Variants in FSTL5 observed in about 807,000 individuals in gnomAD.
FSTL5 encodes follistatin-related protein 5.
FSTL5 carries 62 observed loss-of-function variants against 89.1 expected under a neutral mutation model. That is an observed-to-expected ratio of 0.70 (90% CI 0.57 to 0.86). The LOEUF (loss-of-function observed/expected upper bound fraction) is 0.86. Ranked by LOEUF, FSTL5 falls within the 40% of genes least tolerant of loss-of-function variation. FSTL5 has a pLI of 0.00. For synonymous variants in FSTL5, 383 were observed against 346.2 expected (o/e 1.11, Z -1.18); for missense variants, 1,057 against 1,001.6 (o/e 1.06, Z -0.75).
intron 6 of FSTL5, among the ~76,000 whole-genome samples, chr4:161,754,492 A>C (rs6536614): frequency 0.21 from 32,577 of 152,034 alleles, 6,787 homozygotes; most frequent in African/African-American, 0.54. Flanking sequence ...AAAGTTCATA[A>C]TCCTCATAAA....
intron 6 of FSTL5, among the ~76,000 whole-genome samples, chr4:161,674,560 C>T (rs1261450620): frequency 6.6e-6 from 1 of 152,136 alleles, no homozygotes; most frequent in Admixed American, 6.6e-5. Context: ...GTCAGAACTG[C>T]ATAGTATATC....
chr4:161,450,593 G>T (rs964805496), intron 15 of FSTL5, among the ~76,000 whole-genome samples: 1 of 152,054 alleles, frequency 6.6e-6, no homozygotes, highest in Admixed American at 6.6e-5. Flanking sequence ...CAACTGAGTT[G>T]TATAACTTAT....
At chr4:161,672,921 C>T (rs1278431833) in intron 6 of FSTL5, among the ~76,000 whole-genome samples, 1 of 151,902 alleles carries the variant, frequency 6.6e-6, no homozygotes, top group East Asian at 1.9e-4. Flanking sequence ...ATCATCTAGA[C>T]ATAATTTTTT....
At chr4:161,628,807 C>G (rs1257140255) in intron 7 of FSTL5, among the ~76,000 whole-genome samples, 2 of 152,108 alleles carry the variant, frequency 1.3e-5, no homozygotes, top group Non-Finnish European at 2.9e-5. Context: ...AAGATTCAGA[C>G]TACTAATGGA....
chr4:161,782,386 A>G (rs1040551892), intron 4 of FSTL5, among the ~76,000 whole-genome samples: 1 of 152,178 alleles, frequency 6.6e-6, no homozygotes, highest in African/African-American at 2.4e-5. Flanking sequence ...GTATTGCTCC[A>G]TATCCTTGCC....
intron 2 of FSTL5, among the ~76,000 whole-genome samples, chr4:162,103,416 G>T (rs1461745409): frequency 6.6e-6 from 1 of 152,196 alleles, no homozygotes; most frequent in African/African-American, 2.4e-5. Flanking sequence ...AATGTATTTA[G>T]TGGCAATTGT....
intron 3 of FSTL5, among the ~76,000 whole-genome samples, chr4:161,997,292 A>G (rs1736323204): frequency 6.6e-6 from 1 of 152,192 alleles, no homozygotes; most frequent in Non-Finnish European, 1.5e-5. Flanking sequence ...TTGTTTTTCC[A>G]ATATATCTTA....
chr4:161,858,974 G>A (rs1230393634), intron 4 of FSTL5, among the ~76,000 whole-genome samples: 1 of 152,162 alleles, frequency 6.6e-6, no homozygotes, highest in African/African-American at 2.4e-5. Flanking sequence ...GCAATTTATG[G>A]TTTCACATCT....
At chr4:161,425,364 C>G (rs150030556) in intron 15 of FSTL5, among the ~76,000 whole-genome samples, 3 of 152,174 alleles carry the variant, frequency 2.0e-5, no homozygotes, top group East Asian at 3.9e-4. Flanking sequence ...GTATGTTAGA[C>G]GACAGATCCA....
chr4:162,047,874 T>C (rs1219663375), intron 2 of FSTL5, among the ~76,000 whole-genome samples: 1 of 151,936 alleles, frequency 6.6e-6, no homozygotes, highest in East Asian at 1.9e-4. Flanking sequence ...AACTATGAGT[T>C]CGCCATATAG....
At chr4:162,029,921 T>C (rs1251213553) in intron 3 of FSTL5, among the ~76,000 whole-genome samples, 1 of 104,626 alleles carries the variant, frequency 9.6e-6, no homozygotes, top group East Asian at 3.4e-4. Flanking sequence ...TTTTTTTTTT[T>C]TTTTTTAAGA....
At chr4:161,768,364 T>A (rs564639919) in intron 5 of FSTL5, among the ~76,000 whole-genome samples, 1 of 152,116 alleles carries the variant, frequency 6.6e-6, no homozygotes, top group Non-Finnish European at 1.5e-5. Context: ...AAATGTGATA[T>A]ATTTGGTTAT....
chr4:161,996,519 C>T lies in FSTL5; in HGVS notation c.160+37106G>A, dbSNP rs1188143785. ...GCATCCGTATTTCTCACAAGTTCCC[C>T]TTGCCCGTCTTGTCTCCTTCATTCA... On this transcript the variant is annotated intron_variant, in intron 3 of 15. Transcript: ENST00000306100. 5.3e-5 allele frequency among the ~76,000 whole-genome samples: 8 copies of T among 152,214 alleles called. No homozygotes were observed. The East Asian group carries it at 1.3e-3, about 26-fold the overall frequency.
At chr4:161,593,572 GA>G (rs1733905449) in intron 7 of FSTL5, among the ~76,000 whole-genome samples, 1 of 151,962 alleles carries the variant, frequency 6.6e-6, no homozygotes, top group Middle Eastern at 3.4e-3. Context: ...AAGGGATGAG[GA>G]GGGGGAGGGA....
intron 3 of FSTL5, among the ~76,000 whole-genome samples, chr4:161,963,428 T>C (rs1352426981): frequency 6.6e-6 from 1 of 151,966 alleles, no homozygotes; most frequent in East Asian, 1.9e-4. Context: ...TTGTGCATAA[T>C]GGTTGCTGCA....
intron 15 of FSTL5, among the ~76,000 whole-genome samples, chr4:161,415,617 C>A (rs2110949638): frequency 6.7e-6 from 1 of 150,288 alleles, no homozygotes; most frequent in South Asian, 2.1e-4. Flanking sequence ...CATCTTTTAC[C>A]TACTCAAAAA....
intron 3 of FSTL5, among the ~76,000 whole-genome samples, chr4:162,029,773 T>A (rs529609857): frequency 6.6e-6 from 1 of 152,130 alleles, no homozygotes; most frequent in African/African-American, 2.4e-5. Context: ...TTCATATCTA[T>A]AAAATTTATG....
intron 6 of FSTL5, among the ~76,000 whole-genome samples, chr4:161,701,312 A>G (rs892781817): frequency 3.3e-5 from 5 of 152,186 alleles, no homozygotes; most frequent in East Asian, 3.8e-4. Context: ...TTTGTTCTCA[A>G]TGGCTTCACT....
At position 161,384,740 on chromosome 4, in the gene FSTL5, C is replaced by T. The variant is rs1305929629; in HGVS notation, c.*1007G>A. The stretch of plus-strand genomic sequence containing the variant: ...TACTAATTCTTCTAAGCCACTAATA[C>T]CTCATCAATTCTCTTGCCAGTTTTC... On this transcript the variant is annotated 3_prime_UTR_variant, in exon 16 of 16. Transcript: ENST00000306100. 6.6e-6 allele frequency: 1 copy of T among 152,168 alleles called. No individual in the cohort carries two copies. Among genetic ancestry groups the T allele is most frequent in the Non-Finnish European group, 1.5e-5 (1 of 68,014 alleles). The allele number at this position is 152,168 out of a possible 1,614,324, so 9.4% of individuals were successfully genotyped here.
Sources: allele counts gnomAD v4.1 joint callset (sites outside exome capture counted in the v4.1 genomes callset), GRCh38; gene constraint gnomAD v4.1.1; transcripts MANE v1.5; gene names NCBI Gene and HGNC (gene_info 2026-07-23, HGNC 2026-07-21).